FHIT: variants seen among roughly 807,000 people sequenced by gnomAD.
FHIT encodes fragile histidine triad diadenosine triphosphatase, also known as bis(5'-adenosyl)-triphosphatase.
A neutral mutation model predicts 17.9 loss-of-function variants in FHIT; 19 were observed. The ratio of observed to expected loss-of-function variants is 1.06; its 90% CI spans 0.74 to 1.56. The LOEUF (loss-of-function observed/expected upper bound fraction) is 1.56, where lower values mean the gene tolerates loss of function less well. Among genes scored for constraint, FHIT ranks in the 40% most tolerant of loss-of-function variants. The pLI is 0.00. For missense variants in FHIT, 248 were observed against 189.2 expected (o/e 1.31, Z -1.82); for synonymous variants, 81 against 69.7 (o/e 1.16, Z -0.81).
At chr3:61,105,306 A>G (rs1016460611) in intron 2 of FHIT, among the ~76,000 whole-genome samples, 14 of 151,702 alleles carry the variant, frequency 9.2e-5, no homozygotes, top group Non-Finnish European at 1.9e-4. Flanking sequence ...GATTTGCCCC[A>G]CTGGCTTCGT....
At chr3:60,377,217 T>TA (rs1049019440) in intron 5 of FHIT, among the ~76,000 whole-genome samples, 12 of 151,892 alleles carry the variant, frequency 7.9e-5, no homozygotes, top group African/African-American at 2.9e-4. Context: ...TTTTTTTTTT[T>TA]TTTAATGGAG....
At chr3:60,259,364 T>C (rs1446187593) in intron 5 of FHIT, among the ~76,000 whole-genome samples, 1 of 152,122 alleles carries the variant, frequency 6.6e-6, no homozygotes, top group Admixed American at 6.6e-5. Flanking sequence ...GGGAAAGCTA[T>C]GGAATCTTGA....
chr3:59,915,017 A>G (rs1705064621), intron 8 of FHIT, among the ~76,000 whole-genome samples: 1 of 152,194 alleles, frequency 6.6e-6, no homozygotes, highest in South Asian at 2.1e-4. Context: ...AAACACTGAA[A>G]CAGCCCATTA....
At chr3:60,447,930 A>G (rs562151288) in intron 5 of FHIT, among the ~76,000 whole-genome samples, 1 of 152,294 alleles carries the variant, frequency 6.6e-6, no homozygotes, top group South Asian at 2.1e-4. Flanking sequence ...ATATTCCTGA[A>G]AATTCACCTG....
intron 3 of FHIT, among the ~76,000 whole-genome samples, chr3:60,861,478 A>G (rs1337472523): frequency 6.6e-6 from 1 of 151,212 alleles, no homozygotes; most frequent in Non-Finnish European, 1.5e-5. Context: ...TAACCTCTCC[A>G]GTAGCCATGA....
At position 60,860,120 on chromosome 3, in the gene FHIT, A is replaced by AGATATATCTGATATATGATATATAT. The variant is rs1559777931; in HGVS notation, c.-110-38110_-110-38109insATATATATCATATATCAGATATATC. On this transcript the variant is annotated intron_variant, in intron 3 of 9. Transcript: ENST00000492590. Reference sequence around the variant, plus strand: ...TGATATATCTGATATATGATATATAAATGATATATCTGATATATATACATA... The same window carrying AGATATATCTGATATATGATATATAT: ...TGATATATCTGATATATGATATATAAGATATATCTGATATATGATATATATATGATATATCTGATATATATACATA... 1.6e-4 allele frequency among the ~76,000 whole-genome samples: 16 copies of AGATATATCTGATATATGATATATAT among 102,032 alleles called. 2 individuals are homozygous for AGATATATCTGATATATGATATATAT. Among genetic ancestry groups the AGATATATCTGATATATGATATATAT allele is most frequent in the African/African-American group, 5.6e-4 (15 of 26,794 alleles). The allele number at this position is 102,032 out of a possible 152,430, so 66.9% of individuals were successfully genotyped here. A position where few individuals can be genotyped will look rare whatever the true frequency, so the allele number is the denominator to read the frequency against.
chr3:61,094,791 G>C (rs868117826), intron 2 of FHIT, among the ~76,000 whole-genome samples: 1 of 152,142 alleles, frequency 6.6e-6, no homozygotes, highest in South Asian at 2.1e-4. Context: ...GTGATGAATG[G>C]ACAGGGAGCA....
chr3:59,843,592 T>C (rs1425822855), intron 8 of FHIT, among the ~76,000 whole-genome samples: 1 of 152,222 alleles, frequency 6.6e-6, no homozygotes, highest in Non-Finnish European at 1.5e-5. Context: ...AGAAATGTTT[T>C]ACAGTTTTCA....
chr3:60,877,194 G>C (rs186781011), intron 3 of FHIT, among the ~76,000 whole-genome samples: 136 of 152,278 alleles, frequency 8.9e-4, no homozygotes, highest in African/African-American at 2.9e-3. Context: ...CTTAGAACTG[G>C]AACTACTGCT....
chr3:60,655,880 T>C (rs1405278066), intron 4 of FHIT, among the ~76,000 whole-genome samples: 1 of 152,104 alleles, frequency 6.6e-6, no homozygotes, highest in Non-Finnish European at 1.5e-5. Context: ...AAGGGGTTAG[T>C]TGTTGGAAGG....
intron 4 of FHIT, among the ~76,000 whole-genome samples, chr3:60,731,745 T>C (rs572265766): frequency 1.3e-5 from 2 of 152,248 alleles, no homozygotes; most frequent in South Asian, 2.1e-4. Context: ...GTTTCTTCTG[T>C]CTGTTGGGAG....
intron 4 of FHIT, among the ~76,000 whole-genome samples, chr3:60,578,440 A>AACACACACACACACACACACACAC (rs71748891): frequency 6.9e-6 from 1 of 144,296 alleles, no homozygotes; most frequent in African/African-American, 2.6e-5. Flanking sequence ...CCATCTACAA[A>AACACACACACACACACACACACAC]ACACACACAC....
Position 60,713,352 on chromosome 3 carries a change from A to C in FHIT, c.-18+108567T>G, listed in dbSNP as rs538127307. The stretch of plus-strand genomic sequence containing the variant: ...AAAGATCCAAAATTGACACCCTAAC[A>C]TCACAGTTAAAAGAACTAGAAAAGC... On this transcript the variant is annotated intron_variant, in intron 4 of 9. Coordinates refer to ENST00000492590, the MANE Select transcript of FHIT (RefSeq NM_002012.4). 1.6e-3 allele frequency among the ~76,000 whole-genome samples: 241 copies of C among 151,476 alleles called. 2 individuals are homozygous for C. Among genetic ancestry groups the C allele is most frequent in the East Asian group, 1.2e-3 (6 of 5,130 alleles).
rs560865187 is a variant in FHIT, at chr3:60,650,676, A to C, written c.-17-113697T>G. ...AAACACTACATATACTACTTTATGCAGTCGACTTTTGCTTCTGTGATAGAA... is the reference window on the plus strand; with the variant it reads ...AAACACTACATATACTACTTTATGCCGTCGACTTTTGCTTCTGTGATAGAA... On this transcript the variant is annotated intron_variant, in intron 4 of 9. Coordinates refer to ENST00000492590, the MANE Select transcript of FHIT (RefSeq NM_002012.4). 1.9e-4 allele frequency among the ~76,000 whole-genome samples: 29 copies of C among 152,346 alleles called. No individual in the cohort carries two copies. In the South Asian group the frequency reaches 4.8e-3, roughly 25 times the overall value.
Position 60,357,201 on chromosome 3 carries a change from G to GC in FHIT, c.103+179658_103+179659insG, listed in dbSNP as rs571309635. Reference sequence around the variant, plus strand: ...CCCAGGCAAACACTGGAGATCACTTGTTTTTTGTTTGTTTGTTTGTTTCTG... The same window carrying GC: ...CCCAGGCAAACACTGGAGATCACTTGCTTTTTTGTTTGTTTGTTTGTTTCTG... On this transcript the variant is annotated intron_variant, in intron 5 of 9. Coordinates refer to ENST00000492590, the MANE Select transcript of FHIT (RefSeq NM_002012.4). Among the ~76,000 whole-genome samples, 659 of 151,864 alleles carry GC rather than the reference G, an allele frequency of 4.3e-3. 3 individuals are homozygous for GC. The highest frequency in any genetic ancestry group is 0.015 in the African/African-American group (629 of 41,320).
chr3:60,018,751 G>A (rs937058243), intron 5 of FHIT, among the ~76,000 whole-genome samples: 27 of 152,250 alleles, frequency 1.8e-4, no homozygotes, highest in Middle Eastern at 3.4e-3. Flanking sequence ...GCCAAAGCGC[G>A]CGAATCACCT....
At chr3:61,093,821 A>G (rs576901522) in intron 2 of FHIT, among the ~76,000 whole-genome samples, 141 of 152,374 alleles carry the variant, frequency 9.3e-4, no homozygotes, top group South Asian at 1.7e-3. Context: ...ACCAGTGTGT[A>G]TACCCACTGT....
intron 2 of FHIT, among the ~76,000 whole-genome samples, chr3:61,138,774 T>G (rs1024433299): frequency 5.9e-5 from 9 of 152,276 alleles, no homozygotes; most frequent in African/African-American, 1.2e-4. Flanking sequence ...CTAAATCCAT[T>G]GTCACACAAG....
At chr3:59,961,110 G>T (rs1192234779) in intron 7 of FHIT, among the ~76,000 whole-genome samples, 1 of 152,164 alleles carries the variant, frequency 6.6e-6, no homozygotes, top group African/African-American at 2.4e-5. Flanking sequence ...GCCTTATGGT[G>T]GATTAAATTT....
Sources: gnomAD v4.1 joint callset for allele counts (sites outside exome capture counted in the v4.1 genomes callset) on GRCh38, gnomAD v4.1.1 for gene constraint, MANE v1.5 for transcripts, NCBI Gene and HGNC (gene_info 2026-07-23, HGNC 2026-07-21) for gene names.